KIAA0825: variants seen among roughly 807,000 people sequenced by gnomAD.
The protein encoded by KIAA0825 is uncharacterized protein KIAA0825.
A neutral mutation model predicts 147.6 loss-of-function variants in KIAA0825; 119 were observed. The ratio of observed to expected loss-of-function variants is 0.81; its 90% CI spans 0.69 to 0.94. KIAA0825 has a LOEUF of 0.94. Among genes scored for constraint, KIAA0825 ranks in the 40% least tolerant of loss-of-function variants. The probability of loss-of-function intolerance (pLI) is 0.00; values close to 1 mark genes in which losing one functional copy is unlikely to be tolerated. For missense variants in KIAA0825, 1,381 were observed against 1,472.7 expected (o/e 0.94, Z 1.02); for synonymous variants, 470 against 518.1 (o/e 0.91, Z 1.26).
intron 5 of KIAA0825, among the ~76,000 whole-genome samples, chr5:94,487,881 A>C (rs1763242830): frequency 6.6e-6 from 1 of 152,074 alleles, no homozygotes; most frequent in Non-Finnish European, 1.5e-5. Flanking sequence ...CTGAGCCCGG[A>C]AAGTGGAGCT....
rs138719677 is a variant in KIAA0825, at chr5:94,294,448, C to T, written c.3710+89920G>A. 2.8e-3 allele frequency among the ~76,000 whole-genome samples: 433 copies of T among 152,238 alleles called. 1 individual carries two copies. The highest frequency in any genetic ancestry group is 9.8e-3 in the African/African-American group (406 of 41,554). ...GAATTCTTTTCTTTAAGAATGTTGGCTGGGCATTGTGGCTCACACCTGTAA... is the reference window on the plus strand; with the variant it reads ...GAATTCTTTTCTTTAAGAATGTTGGTTGGGCATTGTGGCTCACACCTGTAA... On this transcript the variant is annotated intron_variant, in intron 20 of 20. Coordinates refer to ENST00000682413, the MANE Select transcript of KIAA0825 (RefSeq NM_001145678.3).
chr5:94,609,449 A>G (rs2152435416), intron 1 of KIAA0825, among the ~76,000 whole-genome samples: 1 of 152,300 alleles, frequency 6.6e-6, no homozygotes, highest in East Asian at 1.9e-4. Context: ...TACAAAAAAT[A>G]TAAGTAGATA....
At chr5:94,534,628 C>T (rs1183890186) in intron 3 of KIAA0825, among the ~76,000 whole-genome samples, 3 of 151,894 alleles carry the variant, frequency 2.0e-5, no homozygotes, top group Non-Finnish European at 4.4e-5. Flanking sequence ...TGAGTTTTGA[C>T]CTAATAACTA....
intron 20 of KIAA0825, among the ~76,000 whole-genome samples, chr5:94,289,618 A>G (rs750890040): frequency 1.1e-4 from 17 of 152,152 alleles, no homozygotes; most frequent in Non-Finnish European, 1.5e-4. Flanking sequence ...TTCTAAAGAA[A>G]AGAAGAATGG....
intron 20 of KIAA0825, among the ~76,000 whole-genome samples, chr5:94,158,697 G>A (rs1041775556): frequency 6.6e-6 from 1 of 152,104 alleles, no homozygotes; most frequent in Non-Finnish European, 1.5e-5. Flanking sequence ...CAGAATGAGG[G>A]TTTAGAAGTT....
rs554953477 is a variant in KIAA0825, at chr5:94,329,283, C to A, written c.3710+55085G>T. On this transcript the variant is annotated intron_variant, in intron 20 of 20. Coordinates refer to ENST00000682413, the MANE Select transcript of KIAA0825 (RefSeq NM_001145678.3). Reference sequence around the variant, plus strand: ...ATCCAACATAAGCATAATTGGTGTCCCTAAAGAAAAGAACTGAGCAAATGA... The same window carrying A: ...ATCCAACATAAGCATAATTGGTGTCACTAAAGAAAAGAACTGAGCAAATGA... Among the ~76,000 whole-genome samples the A allele has an allele frequency of 2.0e-5, 3 of 151,320 alleles. No individual in the cohort carries two copies. The East Asian group carries it at 5.8e-4, about 29-fold the overall frequency.
intron 2 of KIAA0825, among the ~76,000 whole-genome samples, chr5:94,537,328 T>C (rs1254549173): frequency 6.6e-6 from 1 of 152,072 alleles, no homozygotes; most frequent in Non-Finnish European, 1.5e-5. Flanking sequence ...TTTCATGAGG[T>C]GTGACCTAAT....
intron 20 of KIAA0825, among the ~76,000 whole-genome samples, chr5:94,368,265 T>G (rs1054344815): frequency 6.6e-6 from 1 of 152,204 alleles, no homozygotes; most frequent in Non-Finnish European, 1.5e-5. Context: ...CCCGACTTTC[T>G]GGGCTCAAGC....
intron 15 of KIAA0825, 71 bp from the exon 16 acceptor site, chr5:94,403,864 T>G: frequency 7.7e-7 from 1 of 1,292,824 alleles, no homozygotes; most frequent in Non-Finnish European, 1.1e-6. Context: ...CAACTAGAAT[T>G]CAGTTTTGTA....
chr5:94,240,566 A>G (rs928454330), intron 20 of KIAA0825, among the ~76,000 whole-genome samples: 1 of 152,222 alleles, frequency 6.6e-6, no homozygotes, highest in Non-Finnish European at 1.5e-5. Flanking sequence ...TCAGCATCCA[A>G]CTCTTCTGTT....
intron 5 of KIAA0825, among the ~76,000 whole-genome samples, chr5:94,513,090 T>G (rs954183959): frequency 3.9e-5 from 6 of 152,296 alleles, no homozygotes; most frequent in Admixed American, 3.3e-4. Context: ...ATTGAATAGT[T>G]GCAAGATAAG....
At chr5:94,610,924 CAGTTTAAACTCCTTAAAGTGTTGAATT>C (rs1788652813) in intron 1 of KIAA0825, among the ~76,000 whole-genome samples, 1 of 151,686 alleles carries the variant, frequency 6.6e-6, no homozygotes, top group Admixed American at 6.6e-5. Flanking sequence ...TATCACTGCT[CAGTTTAAACTCCTTAAAGTGTTGAATT>C]AGCTGTGCTC....
At chr5:94,455,914 G>T (rs1161945241) in intron 12 of KIAA0825, among the ~76,000 whole-genome samples, 2 of 152,074 alleles carry the variant, frequency 1.3e-5, no homozygotes, top group Non-Finnish European at 2.9e-5. Flanking sequence ...AAAAGGAGAG[G>T]TGGGTGATAT....
intron 15 of KIAA0825, among the ~76,000 whole-genome samples, chr5:94,410,821 A>G: frequency 6.6e-6 from 1 of 152,198 alleles, no homozygotes; most frequent in East Asian, 1.9e-4. Flanking sequence ...GCTAAAATAA[A>G]TTAATGCCAG....
intron 2 of KIAA0825, among the ~76,000 whole-genome samples, chr5:94,554,588 A>C (rs1007258563): frequency 7.7e-4 from 116 of 151,302 alleles, no homozygotes; most frequent in African/African-American, 2.7e-3. Context: ...AAATCTTGGA[A>C]AATATATGTA....
At chr5:94,159,977 A>G (rs1767399187) in intron 20 of KIAA0825, among the ~76,000 whole-genome samples, 1 of 152,194 alleles carries the variant, frequency 6.6e-6, no homozygotes, top group African/African-American at 2.4e-5. Flanking sequence ...AAATTGTTCT[A>G]CCAATATATA....
At chr5:94,290,961 C>T (rs1414115207) in intron 20 of KIAA0825, among the ~76,000 whole-genome samples, 1 of 152,118 alleles carries the variant, frequency 6.6e-6, no homozygotes, top group East Asian at 1.9e-4. Context: ...ATATCCTTTG[C>T]CCACTTTTTG....
chr5:94,238,578 A>T (rs1194835904), intron 20 of KIAA0825, among the ~76,000 whole-genome samples: 2 of 152,190 alleles, frequency 1.3e-5, no homozygotes, highest in African/African-American at 4.8e-5. Context: ...AAACTTTCTA[A>T]TCTATACTGA....
intron 16 of KIAA0825, among the ~76,000 whole-genome samples, chr5:94,399,914 T>G (rs1379023737): frequency 6.6e-6 from 1 of 152,118 alleles, no homozygotes; most frequent in Non-Finnish European, 1.5e-5. Flanking sequence ...TCAATAACAA[T>G]TTGTTGAATG....
Sources: gnomAD v4.1 joint callset for allele counts (sites outside exome capture counted in the v4.1 genomes callset) on GRCh38, gnomAD v4.1.1 for gene constraint, MANE v1.5 for transcripts, NCBI Gene and HGNC (gene_info 2026-07-23, HGNC 2026-07-21) for gene names.